The following WDPCP variants were observed in gnomAD, a reference collection of about 807,000 sequenced individuals.
WDPCP encodes WD repeat-containing and planar cell polarity effector protein fritz homolog.
Under a neutral mutation model 93.1 loss-of-function variants are expected in WDPCP, and 71 were observed. The observed-to-expected ratio is 0.76, with a 90% CI of 0.63 to 0.93. The LOEUF (loss-of-function observed/expected upper bound fraction) is 0.93. WDPCP is among the 40% of genes least tolerant of loss of function. WDPCP has a pLI of 0.00. For synonymous variants in WDPCP, 315 were observed against 315.0 expected (o/e 1.00, Z 0.00); for missense variants, 844 against 887.4 (o/e 0.95, Z 0.62).
At chr2:63,368,866 G>A (rs1026098195) in intron 12 of WDPCP, 10 of 152,430 alleles carry the variant, frequency 6.6e-5, no homozygotes, top group Admixed American at 4.6e-4. Flanking sequence ...ATGTGTTATG[G>A]TCTTTCCTTG....
intron 2 of WDPCP, among the ~76,000 whole-genome samples, chr2:63,807,038 A>T (rs1359142364): frequency 6.6e-6 from 1 of 152,214 alleles, no homozygotes; most frequent in African/African-American, 2.4e-5. Context: ...TTGATTGGGG[A>T]AGTGATAAGT....
At chr2:63,697,719 C>T (rs1175233384) in intron 2 of WDPCP, among the ~76,000 whole-genome samples, 1 of 152,028 alleles carries the variant, frequency 6.6e-6, no homozygotes, top group Admixed American at 6.5e-5. Flanking sequence ...GTGATCTTGG[C>T]TCACTGCACC....
chr2:63,760,349 G>A (rs192785728), intron 2 of WDPCP, among the ~76,000 whole-genome samples: 30 of 152,090 alleles, frequency 2.0e-4, no homozygotes, highest in Non-Finnish European at 3.7e-4. Context: ...TGTTCCAGGA[G>A]GGCTTGATTG....
At chr2:63,531,343 T>C (rs1445986324) in intron 1 of WDPCP, among the ~76,000 whole-genome samples, 1 of 152,124 alleles carries the variant, frequency 6.6e-6, no homozygotes, top group Admixed American at 6.5e-5. Context: ...GAGCAGTGGT[T>C]CTCCCAGCAT....
intron 2 of WDPCP, among the ~76,000 whole-genome samples, chr2:63,734,367 C>G (rs1380236724): frequency 6.6e-6 from 1 of 152,024 alleles, no homozygotes; most frequent in Non-Finnish European, 1.5e-5. Context: ...TATATAACCA[C>G]TTTATTATAT....
chr2:63,428,564 C>T (rs772476107), intron 9 of WDPCP, among the ~76,000 whole-genome samples: 2 of 152,058 alleles, frequency 1.3e-5, no homozygotes, highest in Non-Finnish European at 1.5e-5. Flanking sequence ...AACTCGGTAT[C>T]GAAGGAACAT....
At chr2:63,492,457 A>G (rs1700945491) in intron 2 of WDPCP, among the ~76,000 whole-genome samples, 1 of 151,982 alleles carries the variant, frequency 6.6e-6, no homozygotes, top group Non-Finnish European at 1.5e-5. Context: ...AATCCCAGAA[A>G]AAAAATTGAA....
chr2:63,802,591 T>C (rs1670713026), intron 2 of WDPCP, among the ~76,000 whole-genome samples: 1 of 152,202 alleles, frequency 6.6e-6, no homozygotes, highest in Non-Finnish European at 1.5e-5. Flanking sequence ...CTGAATTTCT[T>C]AAAGGAACAT....
chr2:63,475,118 T>C (rs534354001), intron 6 of WDPCP, among the ~76,000 whole-genome samples: 9 of 152,266 alleles, frequency 5.9e-5, no homozygotes, highest in Admixed American at 2.6e-4. Flanking sequence ...CACAGTATTA[T>C]TTATTTGTTT....
intron 14 of WDPCP, among the ~76,000 whole-genome samples, chr2:63,252,926 A>G (rs1358925760): frequency 7.9e-5 from 12 of 152,182 alleles, no homozygotes; most frequent in African/African-American, 2.9e-4. Flanking sequence ...TAAAATTCAT[A>G]TGGAACCAAA....
chr2:63,395,580 T>A (rs1312129044), intron 10 of WDPCP, among the ~76,000 whole-genome samples: 2 of 152,118 alleles, frequency 1.3e-5, no homozygotes, highest in African/African-American at 4.8e-5. Flanking sequence ...TCTATAATAA[T>A]GGAAAGCGTA....
At chr2:63,646,287 C>A (rs970942065) in intron 3 of WDPCP, among the ~76,000 whole-genome samples, 1 of 152,114 alleles carries the variant, frequency 6.6e-6, no homozygotes, top group Non-Finnish European at 1.5e-5. Flanking sequence ...AATAAAATTT[C>A]TATGCCTTAA....
At chr2:63,601,387 T>G (rs548015374) in intron 3 of WDPCP, among the ~76,000 whole-genome samples, 69 of 152,354 alleles carry the variant, frequency 4.5e-4, no homozygotes, top group African/African-American at 1.7e-3. Context: ...AAACCAGTGC[T>G]GTATTTATGT....
chr2:63,281,839 C>T lies in WDPCP; in HGVS notation c.1813-22430G>A, dbSNP rs866374140. ...AGACTCAGAGAAAATGGTGGGGGTG[C>T]GGTGAATGATAAAAGACTTCAAATT... On this transcript the variant is annotated intron_variant, in intron 13 of 17. Transcript: ENST00000272321. Among the ~76,000 whole-genome samples the T allele has an allele frequency of 7.9e-5, 12 of 152,050 alleles. No homozygotes were observed. In the South Asian group the frequency reaches 2.1e-3, roughly 26 times the overall value.
intron 1 of WDPCP, among the ~76,000 whole-genome samples, chr2:63,523,175 A>T (rs1029347830): frequency 6.6e-6 from 1 of 152,232 alleles, no homozygotes; most frequent in Admixed American, 6.5e-5. Context: ...ACTAAATGTG[A>T]TTCATCACAT....
intron 1 of WDPCP, 142 bp from the exon 2 acceptor site, chr2:63,493,082 G>C: frequency 1.4e-6 from 1 of 703,090 alleles, no homozygotes; most frequent in East Asian, 2.8e-5. Context: ...ACATACTCTA[G>C]TGTATCCTTG....
At chr2:63,189,174 T>C (rs777282157) in intron 14 of WDPCP, among the ~76,000 whole-genome samples, 1 of 152,194 alleles carries the variant, frequency 6.6e-6, no homozygotes, top group Non-Finnish European at 1.5e-5. Context: ...TCTAACATGC[T>C]AAGGCATTAA....
intron 2 of WDPCP, among the ~76,000 whole-genome samples, chr2:63,731,991 A>T (rs563973258): frequency 1.3e-5 from 2 of 152,218 alleles, no homozygotes; most frequent in Non-Finnish European, 2.9e-5. Flanking sequence ...ATCAAGGCAA[A>T]TGTTACATGG....
At chr2:63,549,158 G>C (rs922668009) in intron 1 of WDPCP, among the ~76,000 whole-genome samples, 2 of 150,618 alleles carry the variant, frequency 1.3e-5, no homozygotes, top group Non-Finnish European at 3.0e-5. Flanking sequence ...CTGAGGCAGG[G>C]AGAATCACTT....
Sources: gnomAD v4.1 joint callset for allele counts (sites outside exome capture counted in the v4.1 genomes callset) on GRCh38, gnomAD v4.1.1 for gene constraint, MANE v1.5 for transcripts, NCBI Gene and HGNC (gene_info 2026-07-23, HGNC 2026-07-21) for gene names.